Variants in LCORL observed in about 807,000 individuals in gnomAD.
The protein encoded by LCORL is ligand-dependent nuclear receptor corepressor-like protein.
In LCORL, 41 loss-of-function variants were observed where a neutral mutation model predicts 141.8. That is an observed-to-expected ratio of 0.29 (90% CI 0.23 to 0.38). LCORL has a LOEUF of 0.38. LCORL is among the 10% of genes least tolerant of loss of function. LCORL has a pLI of 1.00. For missense variants in LCORL, 1,759 were observed against 2,035.0 expected, an observed-to-expected ratio of 0.86 and a Z score of 2.61; for synonymous variants, 618 against 694.1, an observed-to-expected ratio of 0.89 and a Z score of 1.72.
intron 4 of LCORL, among the ~76,000 whole-genome samples, chr4:17,930,433 T>C (rs898581500): frequency 1.3e-5 from 2 of 152,234 alleles, no homozygotes; most frequent in African/African-American, 2.4e-5. Context: ...AGGAGAATAA[T>C]GTCTTGTTCC....
intron 1 of LCORL, among the ~76,000 whole-genome samples, chr4:18,006,224 T>C (rs918242087): frequency 1.4e-4 from 22 of 151,792 alleles, no homozygotes; most frequent in Non-Finnish European, 2.1e-4. Flanking sequence ...ATAAAAAGAG[T>C]CACCTTTGCT....
At chr4:17,882,322 C>G (rs1189124399) in intron 6 of LCORL, 2 of 984,406 alleles carry the variant, frequency 2.0e-6, no homozygotes, top group African/African-American at 3.5e-5. Flanking sequence ...AGAAAGGGGG[C>G]ACTCAGAGAA....
intron 4 of LCORL, among the ~76,000 whole-genome samples, chr4:17,948,510 T>C (rs984183438): frequency 6.6e-6 from 1 of 152,078 alleles, no homozygotes; most frequent in Non-Finnish European, 1.5e-5. Context: ...GTTATACATA[T>C]TACCTCCTTT....
intron 1 of LCORL, among the ~76,000 whole-genome samples, chr4:17,994,167 T>A (rs1720520466): frequency 6.6e-6 from 1 of 152,198 alleles, no homozygotes; most frequent in Admixed American, 6.5e-5. Context: ...ATTAAATTAA[T>A]TAAAACAAGT....
At chr4:17,869,575 C>T (rs1182761824) in intron 7 of LCORL, among the ~76,000 whole-genome samples, 1 of 152,128 alleles carries the variant, frequency 6.6e-6, no homozygotes, top group East Asian at 1.9e-4. Flanking sequence ...TCATCTGTCT[C>T]CTTTTGTATA....
intron 4 of LCORL, among the ~76,000 whole-genome samples, chr4:17,957,027 G>C (rs1306527686): frequency 6.6e-6 from 1 of 151,920 alleles, no homozygotes; most frequent in Non-Finnish European, 1.5e-5. Context: ...TAAAGGTATA[G>C]GAATGTGGGA....
chr4:17,906,077 T>C (rs921203679), intron 5 of LCORL, among the ~76,000 whole-genome samples: 1 of 152,210 alleles, frequency 6.6e-6, no homozygotes, highest in Non-Finnish European at 1.5e-5. Flanking sequence ...TAAAAATTGT[T>C]TATAACAACT....
intron 1 of LCORL, among the ~76,000 whole-genome samples, chr4:18,000,297 A>C (rs973753369): frequency 2.0e-5 from 3 of 152,180 alleles, no homozygotes; most frequent in African/African-American, 7.2e-5. Context: ...AAAAACAAGC[A>C]ATTAAAAAAT....
At chr4:17,977,297 T>C (rs772062691) in intron 1 of LCORL, among the ~76,000 whole-genome samples, 1 of 152,204 alleles carries the variant, frequency 6.6e-6, no homozygotes, top group Non-Finnish European at 1.5e-5. Context: ...GGGTTACATT[T>C]AGTTGTTTAA....
exon 8 of LCORL, chr4:17,842,408 AG>A (rs1265842704): frequency 6.4e-7 from 1 of 1,555,000 alleles, no homozygotes; most frequent in East Asian, 2.2e-5. Flanking sequence ...GAATATATGG[AG>A]GCCTATCTTC....
intron 6 of LCORL, among the ~76,000 whole-genome samples, chr4:17,879,231 C>G (rs573073106): frequency 4.8e-4 from 72 of 151,106 alleles, no homozygotes; most frequent in African/African-American, 1.6e-3. Context: ...TACTTTAAAA[C>G]AGGAAGTGGA....
At chr4:17,998,386 A>G (rs1452765869) in intron 1 of LCORL, among the ~76,000 whole-genome samples, 1 of 152,116 alleles carries the variant, frequency 6.6e-6, no homozygotes, top group African/African-American at 2.4e-5. Context: ...GTCTTTTGTA[A>G]TAAGACTTCT....
exon 7 of LCORL, chr4:17,874,924 G>C: frequency 8.1e-7 from 1 of 1,233,728 alleles, no homozygotes; most frequent in Non-Finnish European, 1.0e-6. Context: ...TTATGGAGCA[G>C]AGCGTTTCTA....
chr4:17,988,989 T>C (rs1396175530), intron 1 of LCORL, among the ~76,000 whole-genome samples: 1 of 152,100 alleles, frequency 6.6e-6, no homozygotes, highest in African/African-American at 2.4e-5. Context: ...ATCTCAAAAA[T>C]AAATGAATAC....
chr4:17,897,866 T>G (rs1730237536), intron 5 of LCORL, among the ~76,000 whole-genome samples: 1 of 152,172 alleles, frequency 6.6e-6, no homozygotes, highest in South Asian at 2.1e-4. Flanking sequence ...GAGGCCTGCT[T>G]CCTTTCAAAG....
intron 4 of LCORL, among the ~76,000 whole-genome samples, chr4:17,910,826 TTGTATTACC>T (rs2109332851): frequency 6.6e-6 from 1 of 152,312 alleles, no homozygotes; most frequent in East Asian, 1.9e-4. Flanking sequence ...TTACAAAACA[TTGTATTACC>T]TGTTTCAAAA....
chr4:17,877,872 C>T, exon 7 of LCORL: 1 of 1,230,680 alleles, frequency 8.1e-7, no homozygotes, highest in Non-Finnish European at 1.0e-6. Flanking sequence ...TACAGTTTGG[C>T]AAGATAAACA....
chr4:18,006,486 T>C (rs1476240984), intron 1 of LCORL, among the ~76,000 whole-genome samples: 1 of 152,140 alleles, frequency 6.6e-6, no homozygotes, highest in Non-Finnish European at 1.5e-5. Context: ...ACCAATTTAC[T>C]GTATTAGTCC....
chr4:17,892,053 T>C (rs566156957), intron 5 of LCORL, among the ~76,000 whole-genome samples: 17 of 152,312 alleles, frequency 1.1e-4, no homozygotes, highest in Non-Finnish European at 1.6e-4. Context: ...TGAAGTCTTA[T>C]GCTCACTGCA....
Sources: gnomAD v4.1 joint callset for allele counts (sites outside exome capture counted in the v4.1 genomes callset) on GRCh38, gnomAD v4.1.1 for gene constraint, MANE v1.5 for transcripts, NCBI Gene and HGNC (gene_info 2026-07-23, HGNC 2026-07-21) for gene names.